BCHE: variants seen among roughly 807,000 people sequenced by gnomAD.
BCHE encodes the protein cholinesterase.
In BCHE, 48 loss-of-function variants were observed where a neutral mutation model predicts 51.3. That is an observed-to-expected ratio of 0.94 (90% CI 0.74 to 1.19). The LOEUF (loss-of-function observed/expected upper bound fraction) is 1.19. Among genes scored for constraint, BCHE ranks in the 50% most tolerant of loss-of-function variants. BCHE has a pLI of 0.00. For synonymous variants in BCHE, 251 were observed against 238.0 expected (o/e 1.05, Z -0.50); for missense variants, 847 against 708.2 (o/e 1.20, Z -2.23).
chr3:165,787,894 A>C lies in BCHE; in HGVS notation c.1518-1583T>G, dbSNP rs1713016031. 2.6e-5 allele frequency among the ~76,000 whole-genome samples: 4 copies of C among 152,108 alleles called. No individual in the cohort carries two copies. The South Asian group carries it at 8.3e-4, about 32-fold the overall frequency. The stretch of plus-strand genomic sequence containing the variant: ...AGGTGGTATTTAGAATAATCAAGAA[A>C]CTATAAAGTTTTTCAGCCTTTTCTA... On this transcript the variant is annotated intron_variant, in intron 2 of 3. Transcript: ENST00000264381.
At chr3:165,773,978 G>A (rs1308387516) in intron 3 of BCHE, among the ~76,000 whole-genome samples, 2 of 151,922 alleles carry the variant, frequency 1.3e-5, no homozygotes, top group African/African-American at 2.4e-5. Flanking sequence ...TTGGTTCTAG[G>A]ACCTCTCAGG....
intron 1 of BCHE, among the ~76,000 whole-genome samples, chr3:165,834,598 A>G (rs1455871671): frequency 6.6e-6 from 1 of 152,048 alleles, no homozygotes; most frequent in East Asian, 1.9e-4. Context: ...ATAATCTGGT[A>G]TTATCTATTC....
intron 2 of BCHE, among the ~76,000 whole-genome samples, chr3:165,822,916 G>T (rs551314173): frequency 2.6e-5 from 4 of 151,628 alleles, no homozygotes; most frequent in East Asian, 1.9e-4. Flanking sequence ...AATTTTTTTC[G>T]CTATCAAGTT....
At chr3:165,818,592 A>G (rs1299068191) in intron 2 of BCHE, among the ~76,000 whole-genome samples, 2 of 152,156 alleles carry the variant, frequency 1.3e-5, no homozygotes, top group Non-Finnish European at 2.9e-5. Context: ...GTGGTTGTAA[A>G]GACTACATGC....
intron 3 of BCHE, among the ~76,000 whole-genome samples, chr3:165,776,537 A>G (rs530021920): frequency 6.6e-6 from 1 of 152,088 alleles, no homozygotes; most frequent in African/African-American, 2.4e-5. Context: ...TGTGTAGAAA[A>G]GAGAAAAAGA....
chr3:165,789,106 G>C (rs1460313386), intron 2 of BCHE, among the ~76,000 whole-genome samples: 1 of 151,886 alleles, frequency 6.6e-6, no homozygotes, highest in Non-Finnish European at 1.5e-5. Flanking sequence ...AGAATTTTTT[G>C]TTCTCGTCAC....
At chr3:165,812,338 A>G (rs1280786321) in intron 2 of BCHE, among the ~76,000 whole-genome samples, 2 of 149,666 alleles carry the variant, frequency 1.3e-5, no homozygotes, top group African/African-American at 2.5e-5. Flanking sequence ...TCAAATCTTT[A>G]TCACACAGTT....
At chr3:165,802,570 C>G (rs74878742) in intron 2 of BCHE, among the ~76,000 whole-genome samples, 2,336 of 150,244 alleles carry the variant, frequency 0.016, 57 homozygotes, top group African/African-American at 0.054. Flanking sequence ...TTTTAAAGAT[C>G]AAGCTGATAG....
chr3:165,782,494 G>GA (rs34700940), intron 3 of BCHE, among the ~76,000 whole-genome samples: 120,446 of 151,766 alleles, frequency 0.79, 47,868 homozygotes, highest in Non-Finnish European at 0.8. Context: ...GTCACATTTG[G>GA]AAAAAAAATC....
rs1712943239 is a variant in BCHE, at chr3:165,786,196, G to A, written c.1633C>T (p.Gln545Ter). The change falls in exon 3 of 4, where the codon CAA (glutamine) becomes TAA (stop). Residue 545 changes from glutamine to a stop codon, truncating the protein, a stop_gained. Coordinates refer to ENST00000264381, the MANE Select transcript of BCHE (RefSeq NM_000055.4). LOFTEE classifies it high-confidence loss of function. The part of the protein sequence containing the change: ...STRIMTKLRA[Q>*]QCRFWTSFFP... ...AATGATGTCCAGAATCGACATTGTT[G>A]AGCACGTAGTTTCGTCATTATTCTT... 1 of 1,612,242 alleles carries A rather than the reference G, an allele frequency of 6.2e-7. No homozygotes were observed. Among genetic ancestry groups the A allele is most frequent in the South Asian group, 1.1e-5 (1 of 91,030 alleles).
Position 165,809,593 on chromosome 3 carries a change from C to T in BCHE, c.1517+19924G>A, listed in dbSNP as rs557570937. 2.0e-5 allele frequency among the ~76,000 whole-genome samples: 3 copies of T among 152,112 alleles called. No individual in the cohort carries two copies. In the East Asian group the frequency reaches 5.8e-4, roughly 29 times the overall value. The stretch of plus-strand genomic sequence containing the variant: ...TGTATAACTTTTTAGATCCATTGCA[C>T]AAATTTATCATTTGTATTAAGGCAA... On this transcript the variant is annotated intron_variant, in intron 2 of 3. Coordinates refer to ENST00000264381, the MANE Select transcript of BCHE (RefSeq NM_000055.4).
intron 3 of BCHE, 55 bp downstream of exon 3, chr3:165,786,090 C>T (rs1712933704): frequency 6.4e-7 from 1 of 1,564,748 alleles, no homozygotes; most frequent in African/African-American, 1.4e-5. Flanking sequence ...TACTTCATCC[C>T]TTTTTTACAT....
chr3:165,818,431 C>A (rs1322700858), intron 2 of BCHE, among the ~76,000 whole-genome samples: 2 of 151,924 alleles, frequency 1.3e-5, no homozygotes, highest in Admixed American at 6.6e-5. Context: ...TTTAAAATAT[C>A]ATTTTTAAAT....
chr3:165,824,591 G>A (rs913950135), intron 2 of BCHE, among the ~76,000 whole-genome samples: 8 of 151,996 alleles, frequency 5.3e-5, no homozygotes, highest in African/African-American at 1.9e-4. Flanking sequence ...TATTGAAAAG[G>A]AAGAAGCCAA....
intron 3 of BCHE, among the ~76,000 whole-genome samples, chr3:165,781,927 G>A (rs903212904): frequency 7.2e-5 from 11 of 152,070 alleles, no homozygotes; most frequent in African/African-American, 2.7e-4. Flanking sequence ...CACAGAAAAT[G>A]TGAATTTGTA....
At chr3:165,780,841 A>G (rs1336426183) in intron 3 of BCHE, among the ~76,000 whole-genome samples, 1 of 152,166 alleles carries the variant, frequency 6.6e-6, no homozygotes, top group Non-Finnish European at 1.5e-5. Flanking sequence ...ACCATTGTGG[A>G]AGACAGTGTG....
intron 2 of BCHE, among the ~76,000 whole-genome samples, chr3:165,809,038 T>C (rs1713978691): frequency 6.6e-6 from 1 of 152,154 alleles, no homozygotes; most frequent in African/African-American, 2.4e-5. Context: ...ATATTAAGTT[T>C]AAAAAGTAAG....
intron 2 of BCHE, among the ~76,000 whole-genome samples, chr3:165,789,949 A>G (rs1028411093): frequency 1.3e-5 from 2 of 152,220 alleles, no homozygotes; most frequent in African/African-American, 4.8e-5. Context: ...TGAGAAAGAC[A>G]ATAAATAAGA....
intron 2 of BCHE, among the ~76,000 whole-genome samples, chr3:165,806,119 T>C (rs934437463): frequency 1.4e-4 from 21 of 152,266 alleles, no homozygotes; most frequent in African/African-American, 5.1e-4. Context: ...TCAAATTTGA[T>C]AGCATTCTCC....
Sources: gnomAD v4.1 joint callset for allele counts (sites outside exome capture counted in the v4.1 genomes callset) on GRCh38, gnomAD v4.1.1 for gene constraint, MANE v1.5 for transcripts, NCBI Gene and HGNC (gene_info 2026-07-23, HGNC 2026-07-21) for gene names.